The following NUTF2 variants were observed in gnomAD, a reference collection of about 807,000 sequenced individuals.
NUTF2 encodes nuclear transport factor 2.
Under a neutral mutation model 18.5 loss-of-function variants are expected in NUTF2, and 3 were observed. The ratio of observed to expected loss-of-function variants is 0.16; its 90% CI spans 0.07 to 0.42. The LOEUF (loss-of-function observed/expected upper bound fraction) is 0.42, where lower values mean the gene tolerates loss of function less well. NUTF2 is among the 10% of genes least tolerant of loss of function. NUTF2 has a pLI of 0.99. For synonymous variants in NUTF2, 51 were observed against 57.9 expected, an observed-to-expected ratio of 0.88 and a Z score of 0.54; for missense variants, 44 against 160.7, an observed-to-expected ratio of 0.27 and a Z score of 3.93.
In NUTF2 at chr16:67,872,072, A is replaced by G. The variant is rs956390038; in HGVS notation, c.*1159A>G. ...CTATCTTCCAATTCCGGGGAGTCTT[A>G]GCTATTAGGGCAGTTTCTGCTTCTC... is the stretch of plus-strand genomic sequence containing the variant. On this transcript the variant is annotated 3_prime_UTR_variant, in exon 5 of 5. Transcript: ENST00000219169. The G allele has an allele frequency of 1.4e-4, 21 of 152,306 alleles. No individual in the cohort carries two copies. Among genetic ancestry groups the G allele is most frequent in the African/African-American group, 5.1e-4 (21 of 41,444 alleles). 9.4% of individuals were successfully genotyped at this position (152,306 alleles called of 1,614,324 possible).
intron 1 of NUTF2, chr16:67,856,187 G>GT (rs1219837591): frequency 5.0e-3 from 1,521 of 305,370 alleles, no homozygotes; most frequent in Middle Eastern, 8.0e-3. Context: ...ATCTCGGCCA[G>GT]TTTTTTTTTG....
chr16:67,858,280 A>C (rs2057911726), intron 1 of NUTF2, among the ~76,000 whole-genome samples: 1 of 152,026 alleles, frequency 6.6e-6, no homozygotes, highest in African/African-American at 2.4e-5. Context: ...TGATTCTACC[A>C]CCTCAGCCTC....
chr16:67,863,646 G>A (rs966191005), intron 1 of NUTF2, among the ~76,000 whole-genome samples: 2 of 152,210 alleles, frequency 1.3e-5, no homozygotes, highest in Non-Finnish European at 2.9e-5. Context: ...AAGAAGGGCA[G>A]TGACTTGCAT....
At chr16:67,864,977 G>A (rs1466162808) in intron 1 of NUTF2, 125 bp from the exon 2 acceptor site, 2 of 589,280 alleles carry the variant, frequency 3.4e-6, no homozygotes, top group South Asian at 2.1e-5. Context: ...GGGCCTGTCC[G>A]TGTTCTCTGA....
At chr16:67,859,851 G>A (rs1484102137) in intron 1 of NUTF2, among the ~76,000 whole-genome samples, 1 of 130,600 alleles carries the variant, frequency 7.7e-6, no homozygotes, top group East Asian at 2.4e-4. Context: ...TGTCACCCAG[G>A]CTAGAATGCC....
At chr16:67,868,310 C>T (rs1378176167) in intron 2 of NUTF2, 30 bp from the exon 3 acceptor site, 2 of 1,609,036 alleles carry the variant, frequency 1.2e-6, no homozygotes, top group South Asian at 1.1e-5. Flanking sequence ...TCTGAGGCCC[C>T]AACCCTGGGG....
intron 1 of NUTF2, chr16:67,856,087 G>C (rs2057894764): frequency 3.4e-6 from 2 of 595,656 alleles, no homozygotes; most frequent in Admixed American, 2.5e-5. Flanking sequence ...CCCTGAAGAA[G>C]GTGGACAGGT....
chr16:67,847,632 G>A (rs1671470454), intron 1 of NUTF2: 1 of 152,458 alleles, frequency 6.6e-6, no homozygotes, highest in African/African-American at 2.4e-5. Context: ...GCAGGGTCAG[G>A]GAATATGAGG....
At chr16:67,867,277 A>T (rs2057979684) in intron 2 of NUTF2, among the ~76,000 whole-genome samples, 1 of 152,172 alleles carries the variant, frequency 6.6e-6, no homozygotes, top group Non-Finnish European at 1.5e-5. Flanking sequence ...TGGCCTCATT[A>T]TCTCTTAAAG....
At chr16:67,853,407 G>C (rs1023333843) in intron 1 of NUTF2, among the ~76,000 whole-genome samples, 1 of 152,190 alleles carries the variant, frequency 6.6e-6, no homozygotes, top group African/African-American at 2.4e-5. Context: ...TCCCAGGCTG[G>C]AGTGCAGTGG....
In NUTF2 at chr16:67,872,179, A is replaced by G. The variant is rs2058018366; in HGVS notation, c.*1266A>G. ...TCTGGATGGTATAAACCTAGTGGCA[A>G]TGTAGCAACCATAGGCTAGAACCAA... On this transcript the variant is annotated 3_prime_UTR_variant, in exon 5 of 5. Coordinates refer to ENST00000219169, the MANE Select transcript of NUTF2 (RefSeq NM_005796.3). 1 of 152,386 alleles carries G rather than the reference A, an allele frequency of 6.6e-6. No homozygotes were observed. The highest frequency in any genetic ancestry group is 1.5e-5 in the Non-Finnish European group (1 of 68,052). The allele number at this position is 152,386 out of a possible 1,614,324, so 9.4% of individuals were successfully genotyped here.
intron 1 of NUTF2, among the ~76,000 whole-genome samples, chr16:67,861,507 A>G (rs913064992): frequency 1.3e-5 from 2 of 152,144 alleles, no homozygotes; most frequent in Non-Finnish European, 2.9e-5. Flanking sequence ...ATGTGTTGGG[A>G]GAGGGCCACA....
chr16:67,848,667 G>A (rs951973209), intron 1 of NUTF2, among the ~76,000 whole-genome samples: 7 of 151,948 alleles, frequency 4.6e-5, no homozygotes, highest in African/African-American at 9.7e-5. Flanking sequence ...GCTTGAATCC[G>A]GGAGGCAGAG....
intron 1 of NUTF2, among the ~76,000 whole-genome samples, chr16:67,852,836 C>T (rs1292805244): frequency 6.6e-6 from 1 of 151,784 alleles, no homozygotes; most frequent in African/African-American, 2.4e-5. Flanking sequence ...TGTGCCACCA[C>T]GCCTGGCTAA....
intron 1 of NUTF2, among the ~76,000 whole-genome samples, chr16:67,848,717 G>A (rs2057827708): frequency 6.6e-6 from 1 of 151,712 alleles, no homozygotes; most frequent in Non-Finnish European, 1.5e-5. Flanking sequence ...ACTCCAGCCT[G>A]GGCGACAGAG....
rs146705624 is a variant in NUTF2 at position 67,855,892 on chromosome 16, G to T, written c.-30+8907G>T. ...GCCACCCGATTTTTTTTTGGCGGGG[G>T]GGGGGGATGGGGGAAATGAGAATAA... On this transcript the variant is annotated intron_variant, in intron 1 of 4. Transcript: ENST00000219169. The T allele has an allele frequency of 3.7e-3, 1,656 of 441,798 alleles. 28 individuals are homozygous for T. Among genetic ancestry groups the T allele is most frequent in the Non-Finnish European group, 5.3e-3 (1,307 of 244,314 alleles). 27.4% of individuals were successfully genotyped at this position (441,798 alleles called of 1,614,324 possible). A position where few individuals can be genotyped will look rare whatever the true frequency, so the allele number is the denominator to read the frequency against.
At chr16:67,867,160 C>T (rs1049377784) in intron 2 of NUTF2, among the ~76,000 whole-genome samples, 6 of 149,808 alleles carry the variant, frequency 4.0e-5, no homozygotes, top group South Asian at 2.1e-4. Flanking sequence ...TTAGGAGAGA[C>T]GGGGTTTCAC....
intron 2 of NUTF2, among the ~76,000 whole-genome samples, chr16:67,866,708 T>G (rs1003766861): frequency 1.3e-5 from 2 of 151,724 alleles, no homozygotes; most frequent in African/African-American, 4.8e-5. Flanking sequence ...CTCAGGTGAT[T>G]TGCCTGCCTC....
intron 4 of NUTF2, 115 bp downstream of exon 4, chr16:67,868,714 G>C (rs2057991815): frequency 1.0e-6 from 1 of 957,872 alleles, no homozygotes; most frequent in Non-Finnish European, 1.6e-6. Context: ...CAAAGTGACT[G>C]TCTAGAGCTG....
Sources: gnomAD v4.1 joint callset for allele counts (sites outside exome capture counted in the v4.1 genomes callset) on GRCh38, gnomAD v4.1.1 for gene constraint, MANE v1.5 for transcripts, NCBI Gene and HGNC (gene_info 2026-07-23, HGNC 2026-07-21) for gene names.